Variants in ANKFN1 observed in about 807,000 individuals in gnomAD.
The protein encoded by ANKFN1 is ankyrin repeat and fibronectin type III domain containing 1.
Under a neutral mutation model 108.7 loss-of-function variants are expected in ANKFN1, and 74 were observed. The ratio of observed to expected loss-of-function variants is 0.68; its 90% CI spans 0.56 to 0.83. The LOEUF (loss-of-function observed/expected upper bound fraction) is 0.83, where lower values mean the gene tolerates loss of function less well. Among genes scored for constraint, ANKFN1 ranks in the 40% least tolerant of loss-of-function variants. The pLI is 0.00. For missense variants in ANKFN1, 1,505 were observed against 1,382.3 expected, an observed-to-expected ratio of 1.09 and a Z score of -1.41; for synonymous variants, 547 against 516.2, an observed-to-expected ratio of 1.06 and a Z score of -0.81.
intron 4 of ANKFN1, among the ~76,000 whole-genome samples, chr17:56,057,711 A>C (rs549856325): frequency 3.9e-5 from 6 of 152,186 alleles, no homozygotes; most frequent in African/African-American, 1.2e-4. Context: ...ACTTGAACCC[A>C]GGAGGCGGAG....
intron 1 of ANKFN1, among the ~76,000 whole-genome samples, chr17:56,163,522 G>T (rs2143517055): frequency 6.6e-6 from 1 of 152,200 alleles, no homozygotes; most frequent in South Asian, 2.1e-4. Flanking sequence ...CATACCTGTG[G>T]GCTTCTTCCA....
chr17:56,204,159 G>C (rs1454440888), intron 1 of ANKFN1, among the ~76,000 whole-genome samples: 1 of 152,140 alleles, frequency 6.6e-6, no homozygotes, highest in East Asian at 1.9e-4. Flanking sequence ...TGATCCTCCT[G>C]CCTCAGCCTC....
intron 4 of ANKFN1, among the ~76,000 whole-genome samples, chr17:56,048,042 A>G (rs1669093108): frequency 6.6e-6 from 1 of 152,144 alleles, no homozygotes; most frequent in South Asian, 2.1e-4. Context: ...TTGTCCATGT[A>G]TACATTTTTG....
chr17:56,176,573 T>G (rs1199976235), intron 1 of ANKFN1, among the ~76,000 whole-genome samples: 1 of 152,168 alleles, frequency 6.6e-6, no homozygotes, highest in African/African-American at 2.4e-5. Context: ...TATGTCAAAG[T>G]CTGTACTTGA....
In ANKFN1 at chr17:56,189,170, C is replaced by CATTTTTTTTTTTTTT. The variant is rs1555607722; in HGVS notation, c.-70-23428_-70-23427insATTTTTTTTTTTTTT. Among the ~76,000 whole-genome samples, 171 of 85,250 alleles carry CATTTTTTTTTTTTTT rather than the reference C, an allele frequency of 2.0e-3. 11 individuals carry two copies. Among genetic ancestry groups the CATTTTTTTTTTTTTT allele is most frequent in the African/African-American group, 0.01 (153 of 14,750 alleles). 55.9% of individuals were successfully genotyped at this position (85,250 alleles called of 152,430 possible). A position where few individuals can be genotyped will look rare whatever the true frequency, so the allele number is the denominator to read the frequency against. Reference sequence around the variant, plus strand: ...CCTAAGTAAGTAAATGTTGCCCTGACTTTTTTTTTTTTTTTTTTGAGACGG... The same window carrying CATTTTTTTTTTTTTT: ...CCTAAGTAAGTAAATGTTGCCCTGACATTTTTTTTTTTTTTTTTTTTTTTTTTTTTTTTGAGACGG... On this transcript the variant is annotated intron_variant, in intron 1 of 20. Coordinates refer to ENST00000682825, the MANE Select transcript of ANKFN1 (RefSeq NM_001370326.1).
At chr17:56,128,924 G>T (rs1907100480) in intron 4 of ANKFN1, among the ~76,000 whole-genome samples, 1 of 152,166 alleles carries the variant, frequency 6.6e-6, no homozygotes, top group Non-Finnish European at 1.5e-5. Context: ...AAACACTGAA[G>T]CTGCCTGCGT....
intron 18 of ANKFN1, chr17:56,482,731 A>C: frequency 2.1e-6 from 1 of 469,902 alleles, no homozygotes; most frequent in Non-Finnish European, 3.5e-6. Flanking sequence ...GAAACCTAGC[A>C]AAGGCCCAAT....
chr17:56,259,909 AACAC>A (rs34951336), intron 3 of ANKFN1, among the ~76,000 whole-genome samples: 1,743 of 139,114 alleles, frequency 0.013, 17 homozygotes, highest in African/African-American at 0.022. Flanking sequence ...CCCACCTCCA[AACAC>A]ACACACACAC....
intron 18 of ANKFN1, among the ~76,000 whole-genome samples, chr17:56,486,218 T>C (rs1395130843): frequency 6.6e-6 from 1 of 152,224 alleles, no homozygotes; most frequent in African/African-American, 2.4e-5. Flanking sequence ...GGTCCTCCCT[T>C]GTTGCCATAT....
chr17:56,063,728 A>G (rs564764292), intron 4 of ANKFN1, among the ~76,000 whole-genome samples: 4 of 151,998 alleles, frequency 2.6e-5, no homozygotes, highest in African/African-American at 9.7e-5. Context: ...TGTATTACTC[A>G]TCTTCTGAAG....
At chr17:56,322,863 ATC>A (rs1218065786) in intron 3 of ANKFN1, among the ~76,000 whole-genome samples, 1 of 152,168 alleles carries the variant, frequency 6.6e-6, no homozygotes, top group Non-Finnish European at 1.5e-5. Flanking sequence ...TGCTAAGTAT[ATC>A]TCTTTTATCT....
intron 6 of ANKFN1, among the ~76,000 whole-genome samples, chr17:56,358,364 T>A (rs2046426608): frequency 6.6e-6 from 1 of 152,098 alleles, no homozygotes; most frequent in Non-Finnish European, 1.5e-5. Context: ...GTCAGGCCTG[T>A]CTTCTATCTT....
chr17:56,441,505 C>T (rs1168094873), intron 9 of ANKFN1, among the ~76,000 whole-genome samples: 1 of 152,138 alleles, frequency 6.6e-6, no homozygotes, highest in Non-Finnish European at 1.5e-5. Flanking sequence ...CCAGAGCAAA[C>T]AAACCCCTGA....
intron 15 of ANKFN1, among the ~76,000 whole-genome samples, chr17:56,467,850 GAAAAAGGGAAA>G (rs2050182027): frequency 4.2e-5 from 1 of 23,772 alleles, no homozygotes; most frequent in African/African-American, 1.2e-4. Context: ...AAGAAAGAAA[GAAAAAGGGAAA>G]GAAAGAAAGA....
At chr17:56,337,984 A>G (rs190680784) in intron 4 of ANKFN1, among the ~76,000 whole-genome samples, 16 of 152,200 alleles carry the variant, frequency 1.1e-4, no homozygotes, top group Non-Finnish European at 1.9e-4. Flanking sequence ...AAATCATGCT[A>G]TATAAAGGCA....
intron 3 of ANKFN1, among the ~76,000 whole-genome samples, chr17:56,317,159 A>C (rs938505815): frequency 9.9e-5 from 15 of 152,166 alleles, no homozygotes; most frequent in African/African-American, 3.6e-4. Flanking sequence ...TGGCTTCTTG[A>C]CATCATAACA....
At chr17:56,460,954 C>A (rs905725546) in intron 14 of ANKFN1, among the ~76,000 whole-genome samples, 5 of 152,166 alleles carry the variant, frequency 3.3e-5, no homozygotes, top group African/African-American at 1.2e-4. Context: ...ATGATGCATA[C>A]AAAACTGCTC....
intron 8 of ANKFN1, among the ~76,000 whole-genome samples, chr17:56,378,142 T>C (rs917139877): frequency 4.6e-5 from 7 of 152,218 alleles, no homozygotes; most frequent in South Asian, 4.1e-4. Flanking sequence ...GAGCTCATAG[T>C]GTATCTGCTT....
intron 4 of ANKFN1, among the ~76,000 whole-genome samples, chr17:56,123,827 CAGAG>C (rs201637734): frequency 0.014 from 1,626 of 117,128 alleles, 26 homozygotes; most frequent in African/African-American, 0.045. Flanking sequence ...GTGTGTGTGA[CAGAG>C]AGAGACACAG....
Sources: allele counts gnomAD v4.1 joint callset (sites outside exome capture counted in the v4.1 genomes callset), GRCh38; gene constraint gnomAD v4.1.1; transcripts MANE v1.5; gene names NCBI Gene and HGNC (gene_info 2026-07-23, HGNC 2026-07-21).